The following SMARCC1 variants were observed in gnomAD, a reference collection of about 807,000 sequenced individuals.
SMARCC1 encodes SWI/SNF related BAF chromatin remodeling complex subunit C1, also known as SWI/SNF complex subunit SMARCC1.
In SMARCC1, 43 loss-of-function variants were observed where a neutral mutation model predicts 147.4. The ratio of observed to expected loss-of-function variants is 0.29; its 90% CI spans 0.23 to 0.38. The LOEUF (loss-of-function observed/expected upper bound fraction) is 0.38. Among genes scored for constraint, SMARCC1 ranks in the 10% least tolerant of loss-of-function variants. The pLI, the probability that SMARCC1 is intolerant of heterozygous loss-of-function variation, is 1.00. For missense variants in SMARCC1, 1,119 were observed against 1,381.1 expected (o/e 0.81, Z 3.01); for synonymous variants, 495 against 484.4 (o/e 1.02, Z -0.29).
Position 47,710,807 on chromosome 3 carries a change from A to G in SMARCC1, c.794T>C (p.Val265Ala). 6.2e-7 allele frequency: 1 copy of G among 1,604,552 alleles called. No homozygotes were observed. The highest frequency in any genetic ancestry group is 8.5e-7 in the Non-Finnish European group (1 of 1,176,446). The change falls in exon 9 of 28, where the codon GTT (valine) becomes GCT (alanine). Residue 265 changes from valine (V) to alanine (A), a missense_variant and splice_region_variant. This residue lies in a region of SMARCC1 where 542 missense variants were observed against 611.8 expected (regional missense o/e 0.89). Coordinates refer to ENST00000254480, the MANE Select transcript of SMARCC1 (RefSeq NM_003074.4). The part of the protein sequence containing the change: ...DPPIPEKPWK[V>A]HVKWILDTDI... ...AGTGTCCAAAATCCATTTCACATGAACCTAAAACCATATCAAAGCATCAAT... is the reference window on the plus strand; with the variant it reads ...AGTGTCCAAAATCCATTTCACATGAGCCTAAAACCATATCAAAGCATCAAT...
At position 47,610,190 on chromosome 3, in the gene SMARCC1, G is replaced by A. The variant is rs1399217125; in HGVS notation, c.2919C>T (p.His973=). The change falls in exon 26 of 28, where the codon CAC becomes CAT. Residue 973 remains histidine, a synonymous_variant. Transcript: ENST00000254480. ...GTGGGGCCAGGCCAGGTCCTCCTGA[G>A]TGCTGGTGTGCCTGTTGAGGGTTCT... ...HGQNPQQAHQ[H]SGGPGLAPLG... 1.2e-6 allele frequency: 2 copies of A among 1,614,210 alleles called. No homozygotes were observed. The highest frequency in any genetic ancestry group is 3.3e-5 in the Admixed American group (2 of 60,028).
intron 5 of SMARCC1, among the ~76,000 whole-genome samples, chr3:47,729,887 T>C (rs1017942649): frequency 6.6e-6 from 1 of 152,178 alleles, no homozygotes; most frequent in Non-Finnish European, 1.5e-5. Flanking sequence ...CTGATGCATA[T>C]AAAAGTTACA....
intron 2 of SMARCC1, among the ~76,000 whole-genome samples, chr3:47,754,501 T>C (rs1441120548): frequency 6.6e-6 from 1 of 152,160 alleles, no homozygotes; most frequent in African/African-American, 2.4e-5. Flanking sequence ...GCTCCTGGCC[T>C]GAACTTTACT....
chr3:47,763,597 T>G (rs2034800739), intron 2 of SMARCC1, among the ~76,000 whole-genome samples: 2 of 151,686 alleles, frequency 1.3e-5, no homozygotes, highest in Admixed American at 6.6e-5. Context: ...CCTCCCAAAG[T>G]GTTGGGATTA....
chr3:47,749,692 A>ACACACACACACACACACACAC (rs2034605128), intron 2 of SMARCC1, among the ~76,000 whole-genome samples: 1 of 13,530 alleles, frequency 7.4e-5, no homozygotes. Flanking sequence ...CACACACACA[A>ACACACACACACACACACACAC]AGTGAGACCC....
At chr3:47,742,767 G>A (rs1200336515) in intron 3 of SMARCC1, among the ~76,000 whole-genome samples, 2 of 152,072 alleles carry the variant, frequency 1.3e-5, no homozygotes, top group Non-Finnish European at 2.9e-5. Flanking sequence ...ATTTTTTGTA[G>A]AGGCTGAGTT....
intron 18 of SMARCC1, among the ~76,000 whole-genome samples, chr3:47,674,189 T>C (rs771190917): frequency 2.0e-5 from 3 of 152,250 alleles, no homozygotes; most frequent in Non-Finnish European, 2.9e-5. Flanking sequence ...TATTATTGTT[T>C]AAACAACCTG....
chr3:47,683,000 G>GT (rs2033673370), intron 14 of SMARCC1, among the ~76,000 whole-genome samples: 1 of 152,188 alleles, frequency 6.6e-6, no homozygotes, highest in Non-Finnish European at 1.5e-5. Flanking sequence ...GTTCCAGGTT[G>GT]TATTTACTGA....
chr3:47,664,255 A>G (rs1221760515), intron 19 of SMARCC1, among the ~76,000 whole-genome samples: 2 of 152,096 alleles, frequency 1.3e-5, no homozygotes, highest in African/African-American at 2.4e-5. Flanking sequence ...TAAAGAATGT[A>G]TAAGAGCAAC....
At chr3:47,733,468 C>T (rs1313280378) in intron 5 of SMARCC1, among the ~76,000 whole-genome samples, 3 of 152,000 alleles carry the variant, frequency 2.0e-5, no homozygotes, top group Non-Finnish European at 2.9e-5. Context: ...AAAAAAAGAA[C>T]AAGAAGGCCG....
intron 12 of SMARCC1, 44 bp from the exon 13 acceptor site, chr3:47,689,468 G>A: frequency 2.0e-6 from 3 of 1,529,566 alleles, no homozygotes; most frequent in Non-Finnish European, 2.7e-6. Context: ...ACAGGTAAAT[G>A]TTCTTTGGGT....
intron 18 of SMARCC1, among the ~76,000 whole-genome samples, chr3:47,671,183 A>AAC: frequency 6.9e-6 from 1 of 144,008 alleles, no homozygotes; most frequent in African/African-American, 2.6e-5. Flanking sequence ...CAAAAAAAAA[A>AAC]AAAAAAAAAA....
chr3:47,746,685 A>C (rs1003193381), intron 2 of SMARCC1, among the ~76,000 whole-genome samples: 2 of 152,048 alleles, frequency 1.3e-5, no homozygotes, highest in African/African-American at 4.8e-5. Context: ...AAAGATTTTA[A>C]AAAGCTAAAT....
chr3:47,612,293 A>G (rs1277074065), intron 25 of SMARCC1, among the ~76,000 whole-genome samples: 1 of 152,228 alleles, frequency 6.6e-6, no homozygotes, highest in African/African-American at 2.4e-5. Flanking sequence ...CTTTCTAGGA[A>G]TTTAGGACTC....
intron 18 of SMARCC1, among the ~76,000 whole-genome samples, chr3:47,671,735 T>C (rs1489959328): frequency 6.6e-6 from 1 of 152,258 alleles, no homozygotes; most frequent in Non-Finnish European, 1.5e-5. Context: ...ATCATGCAGC[T>C]ATAAACATTA....
chr3:47,781,854 G>C lies in SMARCC1; in HGVS notation c.-57C>G. 1.7e-6 allele frequency: 2 copies of C among 1,188,578 alleles called. No individual in the cohort carries two copies. Among genetic ancestry groups the C allele is most frequent in the Non-Finnish European group, 2.1e-6 (2 of 935,356 alleles). 73.6% of individuals were successfully genotyped at this position (1,188,578 alleles called of 1,614,324 possible). The stretch of plus-strand genomic sequence containing the variant: ...CACCCCGGCCCTCGCGGTGTTTCCC[G>C]GTCGTTCCCGCGCGCACCCCCGCGC... On this transcript the variant is annotated 5_prime_UTR_variant, in exon 1 of 28. Transcript: ENST00000254480.
rs1028613220 is a variant in SMARCC1 at position 47,772,846 on chromosome 3, C to A, written c.286G>T (p.Val96Phe). Residue 96 changes from valine to phenylalanine, a missense_variant, in exon 2 of 28, where the codon GTC becomes TTC. Val to Phe is a conservative substitution (Grantham distance 50, BLOSUM62 -1). Around this residue, in one of 6 missense-constraint regions of SMARCC1, gnomAD observed 542 missense variants for 611.8 expected, o/e 0.89. Coordinates refer to ENST00000254480, the MANE Select transcript of SMARCC1 (RefSeq NM_003074.4). ...AGTTTGGTGAAGGCCGGGTTGGTGA[C>A]ATGCTTCCCAAAGGCATCTTCCTGG... The part of the protein sequence containing the change: ...QFQEDAFGKH[V>F]TNPAFTKLPA... 3.7e-6 allele frequency: 6 copies of A among 1,613,112 alleles called. No individual in the cohort carries two copies. Among genetic ancestry groups the A allele is most frequent in the Non-Finnish European group, 5.1e-6 (6 of 1,179,466 alleles).
chr3:47,616,602 C>T (rs1043614818), intron 25 of SMARCC1, among the ~76,000 whole-genome samples: 5 of 151,922 alleles, frequency 3.3e-5, no homozygotes, highest in African/African-American at 7.3e-5. Context: ...CCCACCATCA[C>T]GCCCAGCTAA....
intron 11 of SMARCC1, among the ~76,000 whole-genome samples, chr3:47,695,941 C>T (rs6789454): frequency 1 from 126,101 of 126,278 alleles, 62,962 homozygotes; most frequent in Non-Finnish European, 1. Context: ...GTGGTGCATG[C>T]CTGTAATCCC....
Sources: gnomAD v4.1 joint callset for allele counts (sites outside exome capture counted in the v4.1 genomes callset) on GRCh38, gnomAD v4.1.1 for gene constraint, gnomAD v4.1.1 regional missense constraint, MANE v1.5 for transcripts, NCBI Gene and HGNC (gene_info 2026-07-23, HGNC 2026-07-21) for gene names.